The following GDPD5 variants were observed in gnomAD, a reference collection of about 807,000 sequenced individuals.
The protein encoded by GDPD5 is glycerophosphodiester phosphodiesterase domain containing 5, also known as glycerophosphodiester phosphodiesterase 2.
A neutral mutation model predicts 75.1 loss-of-function variants in GDPD5; 48 were observed. That is an observed-to-expected ratio of 0.64 (90% CI 0.51 to 0.81). The LOEUF (loss-of-function observed/expected upper bound fraction) is 0.81, where lower values mean the gene tolerates loss of function less well. GDPD5 is among the 40% of genes least tolerant of loss of function. The probability of loss-of-function intolerance (pLI) is 0.00; values close to 1 mark genes in which losing one functional copy is unlikely to be tolerated. For synonymous variants in GDPD5, 336 were observed against 339.0 expected, an observed-to-expected ratio of 0.99 and a Z score of 0.10; for missense variants, 706 against 822.6, an observed-to-expected ratio of 0.86 and a Z score of 1.73.
At chr11:75,455,000 G>A (rs901667562) in intron 6 of GDPD5, among the ~76,000 whole-genome samples, 6 of 152,296 alleles carry the variant, frequency 3.9e-5, no homozygotes, top group African/African-American at 9.6e-5. Flanking sequence ...CTGGTGGGGC[G>A]GGTCGAGCTC....
intron 2 of GDPD5, chr11:75,485,510 TACACACACACACACACAC>T (rs3138546): frequency 4.9e-5 from 7 of 143,574 alleles, no homozygotes; most frequent in Non-Finnish European, 7.6e-5. Flanking sequence ...GTGTATTAAA[TACACACACACACACACAC>T]ACACACACAC....
rs780150080 is a variant in GDPD5 at position 75,449,935 on chromosome 11, C to T, written c.424G>A (p.Val142Met). ...CACTCGTCCTCCCACAGCTGGGCCACGGCCGACATGGCCACCACCGTGGAA... is the reference window on the plus strand; with the variant it reads ...CACTCGTCCTCCCACAGCTGGGCCATGGCCGACATGGCCACCACCGTGGAA... ...LASTVVAMSAVAQLWEDEWEV... is the reference protein window; with the variant it reads ...LASTVVAMSAMAQLWEDEWEV... Residue 142 changes from valine to methionine, a missense_variant, in exon 7 of 17, where the codon GTG becomes ATG. Physicochemically the swap from Val to Met is conservative, Grantham distance 21. Coordinates refer to ENST00000336898, the MANE Select transcript of GDPD5 (RefSeq NM_030792.8). 4 of 1,613,698 alleles carry T rather than the reference C, an allele frequency of 2.5e-6. No homozygotes were observed. Among genetic ancestry groups the T allele is most frequent in the Admixed American group, 3.3e-5 (2 of 60,028 alleles).
intron 3 of GDPD5, among the ~76,000 whole-genome samples, chr11:75,475,831 G>A (rs1197893956): frequency 6.6e-6 from 1 of 152,114 alleles, no homozygotes; most frequent in Non-Finnish European, 1.5e-5. Context: ...CCAGACCCCT[G>A]CCTCAGATTG....
At chr11:75,509,496 G>A (rs1950471182) in intron 1 of GDPD5, among the ~76,000 whole-genome samples, 1 of 152,166 alleles carries the variant, frequency 6.6e-6, no homozygotes. Flanking sequence ...CAGAGGCTTG[G>A]GGGATTAATA....
At chr11:75,489,259 C>A (rs778189198) in intron 2 of GDPD5, among the ~76,000 whole-genome samples, 3 of 152,184 alleles carry the variant, frequency 2.0e-5, no homozygotes, top group Admixed American at 2.0e-4. Flanking sequence ...CATTTCTGTA[C>A]CATATCTAGT....
chr11:75,501,978 C>T (rs1257719766), intron 1 of GDPD5, among the ~76,000 whole-genome samples: 1 of 152,180 alleles, frequency 6.6e-6, no homozygotes, highest in Non-Finnish European at 1.5e-5. Flanking sequence ...GTCCTGACCT[C>T]TCCCTACACC....
chr11:75,455,894 A>AG (rs1389650734), intron 6 of GDPD5, among the ~76,000 whole-genome samples: 1 of 152,094 alleles, frequency 6.6e-6, no homozygotes, highest in Non-Finnish European at 1.5e-5. Context: ...CCCAGCCCTG[A>AG]GGGGGGGCAC....
chr11:75,482,425 T>C (rs936873522), intron 2 of GDPD5, among the ~76,000 whole-genome samples: 1 of 152,176 alleles, frequency 6.6e-6, no homozygotes, highest in Non-Finnish European at 1.5e-5. Context: ...CTGATCGAGA[T>C]AGCCAGCAGC....
chr11:75,456,275 C>T (rs551652051), intron 6 of GDPD5, among the ~76,000 whole-genome samples: 76 of 152,086 alleles, frequency 5.0e-4, no homozygotes, highest in Admixed American at 2.0e-3. Flanking sequence ...ATCCTGGGAG[C>T]GGTGGGAGTG....
Position 75,477,719 on chromosome 11 carries a change from G to A in GDPD5, c.17C>T (p.Pro6Leu). The A allele has an allele frequency of 6.3e-7, 1 of 1,584,968 alleles. No individual in the cohort carries two copies. The highest frequency in any genetic ancestry group is 8.6e-7 in the Non-Finnish European group (1 of 1,158,796). Residue 6 changes from proline to leucine, a missense_variant, in exon 3 of 17, where the codon CCC becomes CTC. Coordinates refer to ENST00000336898, the MANE Select transcript of GDPD5 (RefSeq NM_030792.8). ...CAGCTGTGGCTCGTAGTACTGCAGG[G>A]GCTGGTGTCTCACCATACTCGTGCC... MVRHQPLQYYEPQLCL... is the reference protein window; with the variant it reads MVRHQLLQYYEPQLCL...
chr11:75,502,064 T>C (rs1048213584), intron 1 of GDPD5, among the ~76,000 whole-genome samples: 15 of 152,184 alleles, frequency 9.9e-5, no homozygotes, highest in African/African-American at 3.1e-4. Context: ...CTCAAGCCTC[T>C]CATATTGCTG....
intron 7 of GDPD5, 126 bp from the exon 8 acceptor site, chr11:75,449,736 G>A: frequency 3.2e-6 from 4 of 1,250,302 alleles, no homozygotes; most frequent in Non-Finnish European, 4.6e-6. Flanking sequence ...GGGGACACTG[G>A]GAGCCTCAGG....
chr11:75,522,829 T>C (rs1024657439), intron 1 of GDPD5, among the ~76,000 whole-genome samples: 2 of 151,866 alleles, frequency 1.3e-5, no homozygotes, highest in African/African-American at 4.8e-5. Context: ...GGTCAGACAA[T>C]GGGCCCGAGG....
intron 1 of GDPD5, among the ~76,000 whole-genome samples, chr11:75,498,844 G>GCTTTATCTCATAT (rs11267588): frequency 0.81 from 123,105 of 151,996 alleles, 50,811 homozygotes; most frequent in East Asian, 0.97. Context: ...CACCTTACAT[G>GCTTTATCTCATAT]AGTCTGTTGA....
chr11:75,468,680 C>T (rs566126397), intron 3 of GDPD5, among the ~76,000 whole-genome samples: 4 of 125,382 alleles, frequency 3.2e-5, no homozygotes, highest in African/African-American at 1.0e-4. Context: ...TCCCCCGACG[C>T]CCCCCCCCCG....
chr11:75,439,186 G>A (rs1048050895), intron 15 of GDPD5, among the ~76,000 whole-genome samples: 6 of 152,346 alleles, frequency 3.9e-5, no homozygotes, highest in South Asian at 2.1e-4. Flanking sequence ...AAAGAGGATT[G>A]CGGGGGTAAG....
Position 75,439,974 on chromosome 11 carries a change from G to A in GDPD5, c.1474-13C>T, listed in dbSNP as rs577052616. On this transcript the variant is annotated splice_polypyrimidine_tract_variant and intron_variant, in intron 14 of 16. Transcript: ENST00000336898. The stretch of plus-strand genomic sequence containing the variant: ...ACTCGTCCGGGGGCTGTGGACAGAC[G>A]GCCCGAGGCCAACTTCCAGTCATGG... 5.6e-5 allele frequency: 90 copies of A among 1,605,024 alleles called. No individual in the cohort carries two copies. The highest frequency in any genetic ancestry group is 6.7e-5 in the Admixed American group (4 of 59,402).
intron 3 of GDPD5, among the ~76,000 whole-genome samples, chr11:75,466,217 G>C (rs1423228301): frequency 6.6e-6 from 1 of 152,216 alleles, no homozygotes; most frequent in East Asian, 1.9e-4. Flanking sequence ...GGGCAACCTA[G>C]GGATTAAAGC....
At chr11:75,456,054 C>T (rs904624428) in intron 6 of GDPD5, among the ~76,000 whole-genome samples, 2 of 152,128 alleles carry the variant, frequency 1.3e-5, no homozygotes, top group Admixed American at 6.5e-5. Context: ...GAGGAAGTCC[C>T]GGGAGAGAAT....
Sources: gnomAD v4.1 joint callset for allele counts (sites outside exome capture counted in the v4.1 genomes callset) on GRCh38, gnomAD v4.1.1 for gene constraint, MANE v1.5 for transcripts, NCBI Gene and HGNC (gene_info 2026-07-23, HGNC 2026-07-21) for gene names.